The following PRDM6 variants were observed in gnomAD, a reference collection of about 807,000 sequenced individuals.
PRDM6 encodes PR/SET domain 6.
A neutral mutation model predicts 60.8 loss-of-function variants in PRDM6; 25 were observed. That is an observed-to-expected ratio of 0.41 (90% CI 0.30 to 0.57). The LOEUF (loss-of-function observed/expected upper bound fraction) is 0.57, where lower values mean the gene tolerates loss of function less well. Among genes scored for constraint, PRDM6 ranks in the 20% least tolerant of loss-of-function variants. The pLI, the probability that PRDM6 is intolerant of heterozygous loss-of-function variation, is 0.27. For synonymous variants in PRDM6, 407 were observed against 357.4 expected, an observed-to-expected ratio of 1.14 and a Z score of -1.57; for missense variants, 839 against 821.3, an observed-to-expected ratio of 1.02 and a Z score of -0.26.
At chr5:123,150,040 G>A (rs1328896595) in intron 3 of PRDM6, among the ~76,000 whole-genome samples, 2 of 152,158 alleles carry the variant, frequency 1.3e-5, no homozygotes, top group African/African-American at 4.8e-5. Context: ...TGTCTAGACT[G>A]ACGTTTCTCA....
chr5:123,145,839 G>A (rs2126865017), intron 3 of PRDM6, among the ~76,000 whole-genome samples: 1 of 152,292 alleles, frequency 6.6e-6, no homozygotes, highest in Non-Finnish European at 1.5e-5. Context: ...GTAGACTTAG[G>A]AAAACATAAT....
chr5:123,119,325 G>A (rs1764528699), intron 3 of PRDM6, among the ~76,000 whole-genome samples: 1 of 152,186 alleles, frequency 6.6e-6, no homozygotes, highest in Non-Finnish European at 1.5e-5. Flanking sequence ...AGTGATAAGG[G>A]TTAGGACTTG....
In PRDM6 at chr5:123,131,042, A is replaced by G. The variant is rs140351769; in HGVS notation, c.901-24842A>G. ...TCCTGCTTACATTTCTTTATTCTTA[A>G]TAGCACACAGTATTGTCTGCTACTT... On this transcript the variant is annotated intron_variant, in intron 3 of 7. Coordinates refer to ENST00000407847, the MANE Select transcript of PRDM6 (RefSeq NM_001136239.4). Among the ~76,000 whole-genome samples, 58 of 152,334 alleles carry G rather than the reference A, an allele frequency of 3.8e-4. 1 individual carries two copies. In the East Asian group the frequency reaches 0.011, roughly 29 times the overall value.
At chr5:123,143,250 C>T (rs748111425) in intron 3 of PRDM6, among the ~76,000 whole-genome samples, 6 of 151,902 alleles carry the variant, frequency 3.9e-5, no homozygotes, top group Non-Finnish European at 8.8e-5. Context: ...CAGAAGGTTA[C>T]TCATATGCAC....
chr5:123,092,391 C>G (rs1466058281), intron 2 of PRDM6, among the ~76,000 whole-genome samples: 1 of 152,196 alleles, frequency 6.6e-6, no homozygotes, highest in Non-Finnish European at 1.5e-5. Context: ...CTAGAGAAGT[C>G]ACCAGCAGTA....
intron 2 of PRDM6, among the ~76,000 whole-genome samples, chr5:123,097,600 A>T (rs1026448218): frequency 6.6e-6 from 1 of 152,196 alleles, no homozygotes; most frequent in Non-Finnish European, 1.5e-5. Flanking sequence ...ATTGTCTTTC[A>T]TGTAATTCCC....
chr5:123,163,924 A>G (rs1765689995), intron 5 of PRDM6, among the ~76,000 whole-genome samples: 1 of 152,158 alleles, frequency 6.6e-6, no homozygotes, highest in African/African-American at 2.4e-5. Flanking sequence ...TTTTGATTTT[A>G]AAGAGCAGAA....
At chr5:123,180,080 A>G (rs1766112012) in intron 6 of PRDM6, 67 bp from the exon 7 acceptor site, 1 of 1,426,644 alleles carries the variant, frequency 7.0e-7, no homozygotes, top group African/African-American at 1.4e-5. Context: ...GCCCCTTGTC[A>G]TATGATTCTG....
At chr5:123,112,783 C>CTTTTTTTTTTTTTTTTTTTTTTTT in intron 3 of PRDM6, among the ~76,000 whole-genome samples, 1 of 47,510 alleles carries the variant, frequency 2.1e-5, no homozygotes, top group Non-Finnish European at 3.6e-5. Flanking sequence ...TCTAATGGCT[C>CTTTTTTTTTTTTTTTTTTTTTTTT]TTTTTTTTTT....
In PRDM6 at chr5:123,090,424, T is replaced by A. The variant is rs1763801728; in HGVS notation, c.410T>A (p.Leu137Gln). The change falls in exon 2 of 8, where the codon CTG becomes CAG. Residue 137 changes from leucine (L) to glutamine (Q), a missense_variant. By Grantham distance (113) the Leu-to-Gln change is moderately radical. Around this residue, in one of 2 missense-constraint regions of PRDM6, gnomAD observed 730 missense variants for 648.8 expected, o/e 1.13. Transcript: ENST00000407847. ...GCCGAGCCGCTGCCCCCCAAGGAAC[T>A]GTGCCTCGGCGCCACCTCCGGCCCC... ...VAAEPLPPKELCLGATSGPGP... is the reference protein window; with the variant it reads ...VAAEPLPPKEQCLGATSGPGP... 1 of 1,455,482 alleles carries A rather than the reference T, an allele frequency of 6.9e-7. No individual in the cohort carries two copies. The highest frequency in any genetic ancestry group is 1.5e-5 in the African/African-American group (1 of 67,336). The allele number at this position is 1,455,482 out of a possible 1,614,324, so 90.2% of individuals were successfully genotyped here. A position where few individuals can be genotyped will look rare whatever the true frequency, so the allele number is the denominator to read the frequency against.
chr5:123,133,792 A>G lies in PRDM6; in HGVS notation c.901-22092A>G, dbSNP rs376142381. 4.0e-5 allele frequency among the ~76,000 whole-genome samples: 6 copies of G among 151,712 alleles called. No homozygotes were observed. The East Asian group carries it at 9.7e-4, about 25-fold the overall frequency. On this transcript the variant is annotated intron_variant, in intron 3 of 7. Transcript: ENST00000407847. ...TGCAAGGATCATCTTGAAAAAGTTC[A>G]GTTGATTTGAAACAAAAATCTGTGA...
At position 123,136,807 on chromosome 5, in the gene PRDM6, G is replaced by A. The variant is rs568005646; in HGVS notation, c.901-19077G>A. Among the ~76,000 whole-genome samples the A allele has an allele frequency of 2.6e-5, 4 of 151,686 alleles. No individual in the cohort carries two copies. In the South Asian group the frequency reaches 8.4e-4, roughly 32 times the overall value. The stretch of plus-strand genomic sequence containing the variant: ...CTTTACTTTCCATATTACTTTCAGC[G>A]TTCTCTCTCTGTCTCACCCACTGCT... On this transcript the variant is annotated intron_variant, in intron 3 of 7. Transcript: ENST00000407847.
intron 2 of PRDM6, among the ~76,000 whole-genome samples, chr5:123,098,109 T>C (rs567788502): frequency 5.9e-5 from 9 of 152,346 alleles, no homozygotes; most frequent in Admixed American, 5.2e-4. Context: ...TCATACAGAC[T>C]CACAAGTTTC....
intron 3 of PRDM6, among the ~76,000 whole-genome samples, chr5:123,112,576 A>T (rs1486518655): frequency 6.6e-6 from 1 of 152,110 alleles, no homozygotes; most frequent in African/African-American, 2.4e-5. Context: ...ATGCTCTCAG[A>T]TTCAGTATCC....
At chr5:123,097,299 C>T (rs1162402804) in intron 2 of PRDM6, among the ~76,000 whole-genome samples, 1 of 152,066 alleles carries the variant, frequency 6.6e-6, no homozygotes, top group Non-Finnish European at 1.5e-5. Context: ...TTTCATGGCC[C>T]CCAAAGTTAC....
intron 5 of PRDM6, among the ~76,000 whole-genome samples, chr5:123,165,284 TC>T (rs1315274422): frequency 1.3e-5 from 2 of 152,176 alleles, no homozygotes; most frequent in Non-Finnish European, 2.9e-5. Flanking sequence ...TAACTGCCTC[TC>T]CCATCTTTCA....
chr5:123,180,483 C>T (rs1377271652), intron 7 of PRDM6, among the ~76,000 whole-genome samples, 160 bp downstream of exon 7: 1 of 152,252 alleles, frequency 6.6e-6, no homozygotes, highest in African/African-American at 2.4e-5. Context: ...TAGTGGCTGA[C>T]ATTTGAAAAA....
At chr5:123,170,180 C>G (rs190626286) in intron 5 of PRDM6, among the ~76,000 whole-genome samples, 2 of 152,108 alleles carry the variant, frequency 1.3e-5, no homozygotes, top group African/African-American at 2.4e-5. Context: ...TCAGTCAGCC[C>G]GTCTCCCTTA....
chr5:123,116,327 G>A (rs1359654254), intron 3 of PRDM6, among the ~76,000 whole-genome samples: 2 of 152,196 alleles, frequency 1.3e-5, no homozygotes, highest in African/African-American at 4.8e-5. Flanking sequence ...TGCATTTACA[G>A]TTAATTCAGT....
Sources: gnomAD v4.1 joint callset for allele counts (sites outside exome capture counted in the v4.1 genomes callset) on GRCh38, gnomAD v4.1.1 for gene constraint, gnomAD v4.1.1 regional missense constraint, MANE v1.5 for transcripts, NCBI Gene and HGNC (gene_info 2026-07-23, HGNC 2026-07-21) for gene names.